The following MECOM variants were observed in gnomAD, a reference collection of about 807,000 sequenced individuals.
MECOM encodes histone-lysine N-methyltransferase MECOM.
Under a neutral mutation model 116.3 loss-of-function variants are expected in MECOM, and 13 were observed. The observed-to-expected ratio is 0.11, with a 90% CI of 0.07 to 0.18. The LOEUF (loss-of-function observed/expected upper bound fraction) is 0.18, where lower values mean the gene tolerates loss of function less well. Ranked by LOEUF, MECOM falls within the 10% of genes least tolerant of loss-of-function variation. The probability of loss-of-function intolerance (pLI) is 1.00; values close to 1 mark genes in which losing one functional copy is unlikely to be tolerated. For synonymous variants in MECOM, 528 were observed against 535.2 expected (o/e 0.99, Z 0.19); for missense variants, 1,299 against 1,509.0 (o/e 0.86, Z 2.31).
intron 1 of MECOM, among the ~76,000 whole-genome samples, chr3:169,487,000 T>C (rs1752458715): frequency 6.6e-6 from 1 of 152,196 alleles, no homozygotes; most frequent in Non-Finnish European, 1.5e-5. Flanking sequence ...ATTTAGATTT[T>C]TTTTAATTTG....
At chr3:169,110,993 A>G (rs1033968879) in intron 9 of MECOM, among the ~76,000 whole-genome samples, 7 of 152,182 alleles carry the variant, frequency 4.6e-5, no homozygotes, top group African/African-American at 1.4e-4. Flanking sequence ...CTCTCTTATG[A>G]TTTTATTTTA....
intron 1 of MECOM, among the ~76,000 whole-genome samples, chr3:169,508,967 G>C (rs1755628772): frequency 6.6e-6 from 1 of 152,180 alleles, no homozygotes; most frequent in Non-Finnish European, 1.5e-5. Flanking sequence ...TCAAGTTCTG[G>C]AGTTGAAAGA....
At chr3:169,651,173 T>C (rs1019514879) in intron 1 of MECOM, among the ~76,000 whole-genome samples, 1 of 152,308 alleles carries the variant, frequency 6.6e-6, no homozygotes, top group Admixed American at 6.5e-5. Flanking sequence ...TTTTAGTACA[T>C]TGAGGTATGT....
At chr3:169,119,537 C>T (rs1218391114) in intron 7 of MECOM, among the ~76,000 whole-genome samples, 1 of 152,060 alleles carries the variant, frequency 6.6e-6, no homozygotes, top group Non-Finnish European at 1.5e-5. Flanking sequence ...TAGCAGAAGT[C>T]TATATTTTCT....
chr3:169,266,595 A>T (rs13061847), intron 2 of MECOM, among the ~76,000 whole-genome samples: 1 of 152,216 alleles, frequency 6.6e-6, no homozygotes, highest in Non-Finnish European at 1.5e-5. Flanking sequence ...CAGTTCAGAG[A>T]CAATAGTTTC....
At chr3:169,146,171 G>T (rs1463295026) in intron 2 of MECOM, 12 of 1,063,560 alleles carry the variant, frequency 1.1e-5, no homozygotes, top group Non-Finnish European at 1.4e-5. Flanking sequence ...GTAGACTTTA[G>T]AGAAAGGCCC....
At chr3:169,617,843 A>G (rs1770209917) in intron 1 of MECOM, among the ~76,000 whole-genome samples, 1 of 152,198 alleles carries the variant, frequency 6.6e-6, no homozygotes, top group African/African-American at 2.4e-5. Context: ...TAGAACCATG[A>G]AGAGAGTTTC....
At chr3:169,544,118 C>T (rs1230395653) in intron 1 of MECOM, among the ~76,000 whole-genome samples, 2 of 152,182 alleles carry the variant, frequency 1.3e-5, no homozygotes, top group South Asian at 2.1e-4. Context: ...GAACTCCTGA[C>T]CTCAGAAGCT....
intron 2 of MECOM, among the ~76,000 whole-genome samples, chr3:169,353,099 CTT>C (rs776470377): frequency 3.3e-5 from 5 of 151,844 alleles, no homozygotes; most frequent in Non-Finnish European, 7.4e-5. Context: ...TAAAACACTG[CTT>C]TTTTCCTTCT....
intron 2 of MECOM, among the ~76,000 whole-genome samples, chr3:169,318,048 G>A (rs1454675647): frequency 1.3e-5 from 2 of 152,142 alleles, no homozygotes; most frequent in Non-Finnish European, 2.9e-5. Context: ...AATAAATGGT[G>A]CTGGGAAAAC....
rs79829667 is a variant in MECOM, at chr3:169,505,514, T to C, written c.38-123990A>G. On this transcript the variant is annotated intron_variant, in intron 1 of 16. Coordinates refer to ENST00000651503, the MANE Select transcript of MECOM (RefSeq NM_004991.4). ...TACCACAATCAAGCTAGTTGACATA[T>C]ATAATCACCTAACATAGTAATCTTG... Among the ~76,000 whole-genome samples, 3 of 152,310 alleles carry C rather than the reference T, an allele frequency of 2.0e-5. 1 individual carries two copies. The highest frequency in any genetic ancestry group is 4.8e-5 in the African/African-American group (2 of 41,566).
At chr3:169,334,095 G>T (rs1723193087) in intron 2 of MECOM, among the ~76,000 whole-genome samples, 1 of 151,894 alleles carries the variant, frequency 6.6e-6, no homozygotes, top group Non-Finnish European at 1.5e-5. Context: ...AATTTTGCTG[G>T]CTCTCTTCTG....
At chr3:169,275,537 C>A (rs1408998507) in intron 2 of MECOM, among the ~76,000 whole-genome samples, 2 of 152,282 alleles carry the variant, frequency 1.3e-5, no homozygotes, top group East Asian at 3.9e-4. Flanking sequence ...CATTGTTACC[C>A]TGCTAAATAT....
intron 1 of MECOM, chr3:169,477,175 T>G (rs1375452961): frequency 7.5e-6 from 1 of 134,150 alleles, no homozygotes; most frequent in East Asian, 2.2e-4. Context: ...TCATTTGCAA[T>G]AGGAAGTCTT....
At chr3:169,147,158 G>A (rs1249569486) in intron 2 of MECOM, 1 of 985,312 alleles carries the variant, frequency 1.0e-6, no homozygotes, top group East Asian at 1.1e-4. Context: ...GATGTGTAAT[G>A]AAAGTTATCT....
chr3:169,602,475 T>C (rs1767947632), intron 1 of MECOM, among the ~76,000 whole-genome samples: 1 of 152,188 alleles, frequency 6.6e-6, no homozygotes, highest in African/African-American at 2.4e-5. Flanking sequence ...CTCAGCACTA[T>C]TGGCATTTTG....
chr3:169,217,504 G>A (rs1390508150), intron 2 of MECOM, among the ~76,000 whole-genome samples: 2 of 151,972 alleles, frequency 1.3e-5, no homozygotes, highest in African/African-American at 4.8e-5. Flanking sequence ...AAATAAATAG[G>A]CCGAGCACGG....
At chr3:169,086,556 T>C (rs1717810664) in intron 16 of MECOM, 2 of 701,708 alleles carry the variant, frequency 2.9e-6, no homozygotes, top group South Asian at 3.0e-5. Context: ...TTTTAAGCTT[T>C]ACTTTCCTCC....
At chr3:169,140,597 T>A (rs1466222266) in intron 3 of MECOM, among the ~76,000 whole-genome samples, 1 of 151,600 alleles carries the variant, frequency 6.6e-6, no homozygotes, top group Non-Finnish European at 1.5e-5. Flanking sequence ...AAGCATGAAA[T>A]GAAAGAGACG....
Sources: gnomAD v4.1 joint callset for allele counts (sites outside exome capture counted in the v4.1 genomes callset) on GRCh38, gnomAD v4.1.1 for gene constraint, MANE v1.5 for transcripts, NCBI Gene and HGNC (gene_info 2026-07-23, HGNC 2026-07-21) for gene names.